CCDC39: variants seen among roughly 807,000 people sequenced by gnomAD.
CCDC39 encodes coiled-coil domain 39 molecular ruler complex subunit.
Under a neutral mutation model 121.0 loss-of-function variants are expected in CCDC39, and 113 were observed. The observed-to-expected ratio is 0.93, with a 90% CI of 0.80 to 1.09. CCDC39 has a LOEUF of 1.09. CCDC39 is among the 50% of genes least tolerant of loss of function. CCDC39 has a pLI of 0.00. For synonymous variants in CCDC39, 349 were observed against 352.2 expected, an observed-to-expected ratio of 0.99 and a Z score of 0.10; for missense variants, 1,063 against 1,074.7, an observed-to-expected ratio of 0.99 and a Z score of 0.15.
At chr3:180,670,312 G>GGTGT (rs34194996) in intron 1 of CCDC39, among the ~76,000 whole-genome samples, 129 of 148,392 alleles carry the variant, frequency 8.7e-4, no homozygotes, top group South Asian at 3.9e-3. Context: ...GTATGGAAGG[G>GGTGT]GTGTGTGTGT....
In CCDC39 at chr3:180,631,522, T is replaced by A. The variant is rs750267063; in HGVS notation, c.1945A>T (p.Met649Leu). 1.9e-6 allele frequency: 3 copies of A among 1,608,832 alleles called. No individual in the cohort carries two copies. The South Asian group carries it at 3.3e-5, about 18-fold the overall frequency. ...TCCTCTTCTCCTTCAGGAGGCAGCATAACAACAGTCAGAATTTCATATCTA... is the reference window on the plus strand; with the variant it reads ...TCCTCTTCTCCTTCAGGAGGCAGCAAAACAACAGTCAGAATTTCATATCTA... ...KNRYEILTVV[M>L]LPPEGEEEKT... is the part of the protein sequence containing the mutation. Residue 649 changes from methionine to leucine, a missense_variant, in exon 14 of 20, where the codon ATG becomes TTG. Transcript: ENST00000476379.
At position 180,676,311 on chromosome 3, in the gene CCDC39, A is replaced by G. The variant is rs1712203926; in HGVS notation, c.90+2980T>C. On this transcript the variant is annotated intron_variant, in intron 1 of 19. Transcript: ENST00000476379. ...ACAAATTTACAAGAGAAAAACAAAC[A>G]ACCCCATCAAAAAGTGGGCAAAGGA... Among the ~76,000 whole-genome samples the G allele has an allele frequency of 2.6e-5, 4 of 152,204 alleles. No individual in the cohort carries two copies. The South Asian group carries it at 8.3e-4, about 32-fold the overall frequency.
chr3:180,651,117 C>T (rs1438064873), intron 9 of CCDC39, among the ~76,000 whole-genome samples: 1 of 151,972 alleles, frequency 6.6e-6, no homozygotes, highest in African/African-American at 2.4e-5. Context: ...ATCGCTTGAA[C>T]TTGGGAGGCG....
At chr3:180,636,090 G>A (rs1385805930) in intron 13 of CCDC39, among the ~76,000 whole-genome samples, 5 of 152,088 alleles carry the variant, frequency 3.3e-5, no homozygotes, top group Non-Finnish European at 7.4e-5. Context: ...ACATAGTATT[G>A]GAAGTCCTGG....
chr3:180,637,045 A>G (rs1222192749), intron 13 of CCDC39, among the ~76,000 whole-genome samples: 1 of 152,242 alleles, frequency 6.6e-6, no homozygotes, highest in African/African-American at 2.4e-5. Context: ...GAAGATGCCA[A>G]AAGCAATCAC....
chr3:180,678,877 T>C (rs914198942), intron 1 of CCDC39, among the ~76,000 whole-genome samples: 1 of 152,164 alleles, frequency 6.6e-6, no homozygotes, highest in Non-Finnish European at 1.5e-5. Flanking sequence ...ATGAACCTTC[T>C]GGAGTTTAAT....
At chr3:180,620,794 T>C (rs1054267998) in intron 14 of CCDC39, among the ~76,000 whole-genome samples, 2 of 152,126 alleles carry the variant, frequency 1.3e-5, no homozygotes, top group Non-Finnish European at 2.9e-5. Context: ...TAAAAATTTA[T>C]GGAGTACAAG....
At chr3:180,623,078 T>TTA (rs1717467787) in intron 14 of CCDC39, among the ~76,000 whole-genome samples, 1 of 144,978 alleles carries the variant, frequency 6.9e-6, no homozygotes, top group African/African-American at 2.5e-5. Context: ...TTTGGAGATT[T>TTA]TTATTATTAT....
Position 180,652,372 on chromosome 3 carries a change from A to T in CCDC39, c.931-106T>A, listed in dbSNP as rs1485838334. The stretch of plus-strand genomic sequence containing the variant: ...CACTTTAAGTTCTAACCTACATCAC[A>T]CCCACAAAAGTAGTAGCCATTTTTT... On this transcript the variant is annotated intron_variant, in intron 7 of 19. Transcript: ENST00000476379. The T allele has an allele frequency of 6.7e-6, 4 of 593,244 alleles. No individual in the cohort carries two copies. The African/African-American group carries it at 7.9e-5, about 12-fold the overall frequency. The allele number at this position is 593,244 out of a possible 1,614,324, so 36.7% of individuals were successfully genotyped here. A position where few individuals can be genotyped will look rare whatever the true frequency, so the allele number is the denominator to read the frequency against.
Position 180,677,203 on chromosome 3 carries a change from T to TACACAC in CCDC39, c.90+2087_90+2088insGTGTGT, listed in dbSNP as rs1382549603. ...ATATATATATATATATATATATATA[T>TACACAC]ATATATATATATAAAATCACAGTAC... On this transcript the variant is annotated intron_variant, in intron 1 of 19. Transcript: ENST00000476379. Among the ~76,000 whole-genome samples the TACACAC allele has an allele frequency of 1.9e-4, 19 of 100,460 alleles. 1 individual carries two copies. Among genetic ancestry groups the TACACAC allele is most frequent in the African/African-American group, 6.1e-4 (16 of 26,264 alleles). 65.9% of individuals were successfully genotyped at this position (100,460 alleles called of 152,430 possible).
At chr3:180,673,508 C>G (rs892465007) in intron 1 of CCDC39, among the ~76,000 whole-genome samples, 2 of 152,114 alleles carry the variant, frequency 1.3e-5, no homozygotes, top group African/African-American at 4.8e-5. Flanking sequence ...AAAGTATTTT[C>G]AATTAAGGTA....
intron 1 of CCDC39, among the ~76,000 whole-genome samples, chr3:180,670,890 A>T (rs935128197): frequency 6.6e-6 from 1 of 152,080 alleles, no homozygotes; most frequent in Non-Finnish European, 1.5e-5. Context: ...ATGTCAGTTT[A>T]CCATTGCCAT....
chr3:180,668,863 A>G (rs1361886772), intron 1 of CCDC39, among the ~76,000 whole-genome samples: 1 of 152,192 alleles, frequency 6.6e-6, no homozygotes, highest in Admixed American at 6.6e-5. Flanking sequence ...AGGAATTACA[A>G]GAGTTTTAGA....
At chr3:180,671,999 T>C (rs770159321) in intron 1 of CCDC39, among the ~76,000 whole-genome samples, 3 of 152,178 alleles carry the variant, frequency 2.0e-5, no homozygotes, top group Non-Finnish European at 4.4e-5. Flanking sequence ...AACAGCCATA[T>C]ATTAAAAGAA....
chr3:180,620,980 G>A (rs922235817), intron 14 of CCDC39, among the ~76,000 whole-genome samples: 2 of 151,910 alleles, frequency 1.3e-5, no homozygotes, highest in African/African-American at 2.4e-5. Context: ...ATGTGTACGC[G>A]TTATTTAGCT....
intron 2 of CCDC39, 24 bp from the exon 3 acceptor site, chr3:180,662,031 A>C: frequency 6.6e-7 from 1 of 1,515,204 alleles, no homozygotes; most frequent in Non-Finnish European, 8.8e-7. Flanking sequence ...CACAAGATAA[A>C]AAGGCTTTTA....
chr3:180,617,606 C>A (rs1184931935), intron 16 of CCDC39: 3 of 409,426 alleles, frequency 7.3e-6, no homozygotes, highest in Admixed American at 4.3e-5. Flanking sequence ...TAGTTTTTAA[C>A]AAAAAAATTA....
chr3:180,617,271 A>G (rs1717280800), intron 16 of CCDC39: 1 of 468,788 alleles, frequency 2.1e-6, no homozygotes, highest in Non-Finnish European at 3.7e-6. Flanking sequence ...CCAGTCATAT[A>G]AAAGTCTAGC....
intron 9 of CCDC39, among the ~76,000 whole-genome samples, chr3:180,651,131 G>A (rs889360830): frequency 1.3e-5 from 2 of 152,104 alleles, no homozygotes; most frequent in South Asian, 2.1e-4. Flanking sequence ...GGAGGCGGAG[G>A]TTGCAGTGAG....
Sources: allele counts gnomAD v4.1 joint callset (sites outside exome capture counted in the v4.1 genomes callset), GRCh38; gene constraint gnomAD v4.1.1; transcripts MANE v1.5; gene names NCBI Gene and HGNC (gene_info 2026-07-23, HGNC 2026-07-21).